Variants in ZNF713 observed in about 807,000 individuals in gnomAD.
ZNF713 encodes zinc finger protein 713.
Under a neutral mutation model 28.7 loss-of-function variants are expected in ZNF713, and 21 were observed. The observed-to-expected ratio is 0.73, with a 90% CI of 0.52 to 1.05. The LOEUF is 1.05. ZNF713 is among the 50% of genes least tolerant of loss of function. The probability of loss-of-function intolerance (pLI) is 0.00; values close to 1 mark genes in which losing one functional copy is unlikely to be tolerated. For missense variants in ZNF713, 458 were observed against 532.4 expected (o/e 0.86, Z 1.37); for synonymous variants, 167 against 178.0 (o/e 0.94, Z 0.49).
intron 6 of ZNF713, among the ~76,000 whole-genome samples, chr7:55,935,218 A>G (rs1786321212): frequency 6.6e-6 from 1 of 152,144 alleles, no homozygotes. Flanking sequence ...TCATATTGAA[A>G]TACTAGCTTA....
At chr7:55,919,555 G>C (rs1399484553) in intron 4 of ZNF713, among the ~76,000 whole-genome samples, 3 of 119,950 alleles carry the variant, frequency 2.5e-5, no homozygotes, top group African/African-American at 9.1e-5. Flanking sequence ...GCCTAGGCTA[G>C]AGTGCAGTGG....
intron 1 of ZNF713, among the ~76,000 whole-genome samples, chr7:55,889,103 ATT>A (rs34452146): frequency 2.1e-5 from 3 of 144,032 alleles, no homozygotes; most frequent in Non-Finnish European, 1.5e-5. Context: ...TCATATAATG[ATT>A]TTTTTTTTTT....
At chr7:55,896,583 A>G (rs965171307) in intron 1 of ZNF713, among the ~76,000 whole-genome samples, 2 of 133,880 alleles carry the variant, frequency 1.5e-5, no homozygotes, top group African/African-American at 5.3e-5. Context: ...TATTTAATAT[A>G]TATGTGTGTG....
chr7:55,936,195 G>T (rs1025278624), intron 6 of ZNF713, among the ~76,000 whole-genome samples: 13 of 151,038 alleles, frequency 8.6e-5, no homozygotes, highest in African/African-American at 2.9e-4. Context: ...AACCCAGGAG[G>T]CGGAGGTTGC....
chr7:55,933,007 G>A (rs1378987847), intron 6 of ZNF713, among the ~76,000 whole-genome samples: 1 of 151,682 alleles, frequency 6.6e-6, no homozygotes, highest in African/African-American at 2.4e-5. Context: ...GGAGGTTGAG[G>A]AGGGCGAATC....
At chr7:55,891,063 A>G (rs1785372707) in intron 1 of ZNF713, among the ~76,000 whole-genome samples, 1 of 152,130 alleles carries the variant, frequency 6.6e-6, no homozygotes, top group African/African-American at 2.4e-5. Flanking sequence ...AACAATTCCT[A>G]GCATAGATTA....
chr7:55,935,904 G>A (rs952770542), intron 6 of ZNF713, among the ~76,000 whole-genome samples: 4 of 151,992 alleles, frequency 2.6e-5, no homozygotes, highest in East Asian at 1.9e-4. Flanking sequence ...GCAATGAGCC[G>A]AGATCACGCC....
chr7:55,929,569 T>A (rs1279713926), intron 6 of ZNF713, among the ~76,000 whole-genome samples: 1 of 152,064 alleles, frequency 6.6e-6, no homozygotes, highest in Non-Finnish European at 1.5e-5. Flanking sequence ...GGAAACAGAT[T>A]TTACACGTAA....
At position 55,935,020 on chromosome 7, in the gene ZNF713, C is replaced by A. The variant is rs551972711; in HGVS notation, c.308-3962C>A. ...TCTCCTGCCTCAGCCTCCTGAGTAG[C>A]TGGGATTACAGACATGCACCACCAC... On this transcript the variant is annotated intron_variant, in intron 6 of 6. Transcript: ENST00000429591. 9.2e-5 allele frequency among the ~76,000 whole-genome samples: 14 copies of A among 151,712 alleles called. No homozygotes were observed. In the East Asian group the frequency reaches 2.1e-3, roughly 23 times the overall value.
At chr7:55,897,752 T>C (rs1785500191) in intron 1 of ZNF713, among the ~76,000 whole-genome samples, 1 of 152,194 alleles carries the variant, frequency 6.6e-6, no homozygotes, top group Non-Finnish European at 1.5e-5. Context: ...TGAGACATAT[T>C]ACCATTAATG....
rs538536871 is a variant in ZNF713 at position 55,915,117 on chromosome 7, C to T, written c.87+2394C>T. Among the ~76,000 whole-genome samples the T allele has an allele frequency of 1.0e-3, 154 of 152,348 alleles. 1 individual carries two copies. The highest frequency in any genetic ancestry group is 1.5e-3 in the Non-Finnish European group (103 of 68,036). On this transcript the variant is annotated intron_variant, in intron 4 of 6. Coordinates refer to ENST00000429591, the MANE Select transcript of ZNF713 (RefSeq NM_182633.3). ...AAGTATTGGGATTATAGGCGTGAGC[C>T]GCCGCACCTGGCCCATTTGGTTTAT...
At chr7:55,910,086 C>T (rs938492810) in intron 2 of ZNF713, among the ~76,000 whole-genome samples, 4 of 151,756 alleles carry the variant, frequency 2.6e-5, no homozygotes, top group Admixed American at 1.3e-4. Flanking sequence ...GTCTTGAACT[C>T]GCAGGCTCAA....
chr7:55,890,307 G>A (rs1342629146), intron 1 of ZNF713, among the ~76,000 whole-genome samples: 2 of 151,834 alleles, frequency 1.3e-5, no homozygotes, highest in Admixed American at 6.6e-5. Flanking sequence ...AAAATTAGCC[G>A]GGTGTGGTGG....
rs1358454781 is a variant in ZNF713 at position 55,927,569 on chromosome 7, A to G, written c.307+3870A>G. Among the ~76,000 whole-genome samples the G allele has an allele frequency of 3.3e-5, 5 of 152,026 alleles. No individual in the cohort carries two copies. In the East Asian group the frequency reaches 5.8e-4, roughly 18 times the overall value. ...TAAGCAGGAACGATTTTACTTGTTTATAATGCTGAAGGGAAGGAACCAGTA... is the reference window on the plus strand; with the variant it reads ...TAAGCAGGAACGATTTTACTTGTTTGTAATGCTGAAGGGAAGGAACCAGTA... On this transcript the variant is annotated intron_variant, in intron 6 of 6. Coordinates refer to ENST00000429591, the MANE Select transcript of ZNF713 (RefSeq NM_182633.3).
chr7:55,928,889 T>C (rs966717129), intron 6 of ZNF713, among the ~76,000 whole-genome samples: 4 of 150,316 alleles, frequency 2.7e-5, no homozygotes, highest in Non-Finnish European at 2.9e-5. Context: ...CCCAGCACTG[T>C]GTGAGACTGA....
intron 1 of ZNF713, among the ~76,000 whole-genome samples, chr7:55,894,906 A>C (rs978479163): frequency 2.6e-5 from 4 of 152,230 alleles, no homozygotes; most frequent in African/African-American, 9.6e-5. Flanking sequence ...TATACATTTA[A>C]TAATATGTGC....
chr7:55,888,176 A>G (rs545401041), intron 1 of ZNF713, among the ~76,000 whole-genome samples: 1 of 152,100 alleles, frequency 6.6e-6, no homozygotes, highest in South Asian at 2.1e-4. Context: ...TTTTCTTATA[A>G]TACGTTTAAA....
intron 1 of ZNF713, among the ~76,000 whole-genome samples, chr7:55,894,200 C>CA (rs930192328): frequency 6.6e-6 from 1 of 152,190 alleles, no homozygotes; most frequent in African/African-American, 2.4e-5. Context: ...CTCAGGCAAA[C>CA]AAAGACACTC....
At chr7:55,907,280 A>T (rs1254964333) in intron 2 of ZNF713, among the ~76,000 whole-genome samples, 1 of 152,148 alleles carries the variant, frequency 6.6e-6, no homozygotes, top group Non-Finnish European at 1.5e-5. Context: ...CTGGGGATTA[A>T]ATATAAAAGT....
Sources: allele counts gnomAD v4.1 joint callset (sites outside exome capture counted in the v4.1 genomes callset), GRCh38; gene constraint gnomAD v4.1.1; transcripts MANE v1.5; gene names NCBI Gene and HGNC (gene_info 2026-07-23, HGNC 2026-07-21).